SLK: variants seen among roughly 807,000 people sequenced by gnomAD.
SLK encodes the protein STE20-like serine/threonine-protein kinase.
A neutral mutation model predicts 147.7 loss-of-function variants in SLK; 67 were observed. The observed-to-expected ratio is 0.45, with a 90% CI of 0.37 to 0.56. SLK has a LOEUF of 0.56. Among genes scored for constraint, SLK ranks in the 20% least tolerant of loss-of-function variants. The pLI, the probability that SLK is intolerant of heterozygous loss-of-function variation, is 0.00. For missense variants in SLK, 1,136 were observed against 1,438.8 expected (o/e 0.79, Z 3.41); for synonymous variants, 441 against 475.0 (o/e 0.93, Z 0.93).
chr10:104,002,988 G>A lies in SLK; in HGVS notation c.1810G>A (p.Glu604Lys). The A allele has an allele frequency of 6.2e-7, 1 of 1,613,636 alleles. No individual in the cohort carries two copies. Reference sequence around the variant, plus strand: ...TGGTACTAAGGAAGTTCCTATTAAAGAAATAGTTGAAATGAATGAAATAGA... The same window carrying A: ...TGGTACTAAGGAAGTTCCTATTAAAAAAATAGTTGAAATGAATGAAATAGA... ...AGGTKEVPIK[E>K]IVEMNEIEEG... Residue 604 changes from glutamate (E) to lysine (K), a missense_variant, in exon 9 of 19, where the codon GAA becomes AAA. Coordinates refer to ENST00000369755, the MANE Select transcript of SLK (RefSeq NM_014720.4).
In SLK at chr10:104,018,207, G is replaced by A. The variant is rs199577733; in HGVS notation, c.2925G>A (p.Leu975=). The A allele has an allele frequency of 1.7e-5, 27 of 1,606,418 alleles. No homozygotes were observed. In the East Asian group the frequency reaches 6.0e-4, roughly 36 times the overall value. The stretch of plus-strand genomic sequence containing the variant: ...AACAGCAAGAATTAGATGGCTCTCT[G>A]AAAAAGATCATCCAGCAGCAGAAGG... ...QKQQQELDGS[L]KKIIQQQKAE... The change falls in exon 14 of 19, where the codon CTG becomes CTA. Residue 975 remains leucine (L), a synonymous_variant. Transcript: ENST00000369755.
intron 11 of SLK, 33 bp from the exon 12 acceptor site, chr10:104,008,144 A>C (rs762625459): frequency 4.5e-6 from 7 of 1,557,982 alleles, no homozygotes; most frequent in Non-Finnish European, 6.1e-6. Context: ...GGGTGATGGA[A>C]AAGTTATCAT....
intron 1 of SLK, among the ~76,000 whole-genome samples, chr10:103,984,230 A>AT (rs1843984143): frequency 6.6e-6 from 1 of 152,162 alleles, no homozygotes; most frequent in Non-Finnish European, 1.5e-5. Flanking sequence ...ATAATTTGAG[A>AT]TTTTTCTTAC....
At chr10:104,005,146 A>AT (rs548767615) in intron 9 of SLK, among the ~76,000 whole-genome samples, 212 of 152,226 alleles carry the variant, frequency 1.4e-3, no homozygotes, top group Non-Finnish European at 2.3e-3. Context: ...AGCCCCACAA[A>AT]TTCATTTTTA....
intron 1 of SLK, among the ~76,000 whole-genome samples, chr10:103,978,394 A>G (rs558376898): frequency 3.3e-5 from 5 of 152,256 alleles, no homozygotes; most frequent in African/African-American, 1.2e-4. Context: ...ATGTCAAGGT[A>G]CACTTCTGCT....
rs372030229 is a variant in SLK, at chr10:104,018,929, T to G, written c.3132+21T>G. 1.9e-6 allele frequency: 3 copies of G among 1,548,834 alleles called. No individual in the cohort carries two copies. In the African/African-American group the frequency reaches 4.2e-5, roughly 22 times the overall value. On this transcript the variant is annotated intron_variant, in intron 15 of 18. Transcript: ENST00000369755. ...AGAAGGTTAATGAAAGGAAAATTTC[T>G]TCATTTTTTTGTTCGTTTTAAAGTT...
At chr10:104,000,788 T>C (rs1844235438) in intron 7 of SLK, among the ~76,000 whole-genome samples, 1 of 152,142 alleles carries the variant, frequency 6.6e-6, no homozygotes, top group Non-Finnish European at 1.5e-5. Context: ...CCAGGTGTAG[T>C]GGCTCATGCC....
At chr10:104,016,275 T>C (rs12250162) in intron 13 of SLK, among the ~76,000 whole-genome samples, 20,725 of 151,360 alleles carry the variant, frequency 0.14, 2,649 homozygotes, top group African/African-American at 0.34. Flanking sequence ...GCCGAGACCG[T>C]GCCACTGCAT....
intron 1 of SLK, among the ~76,000 whole-genome samples, chr10:103,978,528 A>G (rs1307644271): frequency 6.6e-6 from 1 of 152,206 alleles, no homozygotes; most frequent in African/African-American, 2.4e-5. Flanking sequence ...AATTTTAACA[A>G]AAGAACTAAT....
intron 13 of SLK, among the ~76,000 whole-genome samples, chr10:104,014,483 C>T (rs1844437628): frequency 6.6e-6 from 1 of 152,140 alleles, no homozygotes; most frequent in Non-Finnish European, 1.5e-5. Flanking sequence ...CTCCTTTTTC[C>T]TCTCCTGAAA....
intron 9 of SLK, among the ~76,000 whole-genome samples, chr10:104,005,164 T>A (rs1359032167): frequency 6.6e-6 from 1 of 152,104 alleles, no homozygotes; most frequent in East Asian, 1.9e-4. Context: ...TTAATTGTTT[T>A]GTCAGTGAAA....
At position 104,019,815 on chromosome 10, in the gene SLK, C is replaced by T; in HGVS notation, c.3214C>T (p.Pro1072Ser). 2 of 1,613,828 alleles carry T rather than the reference C, an allele frequency of 1.2e-6. No individual in the cohort carries two copies. Among genetic ancestry groups the T allele is most frequent in the Non-Finnish European group, 1.7e-6 (2 of 1,179,750 alleles). ...NRQTQERARL[P>S]KIQRSEAKTR... is the part of the protein sequence containing the mutation. The stretch of plus-strand genomic sequence containing the variant: ...ACAGACTCAAGAAAGAGCAAGACTG[C>T]CCAAGATTCAGCGCAGTGAAGCCAA... Residue 1072 changes from proline to serine, a missense_variant, in exon 16 of 19, where the codon CCC becomes TCC. Pro to Ser is a moderately conservative substitution (Grantham distance 74). Transcript: ENST00000369755.
chr10:103,986,641 T>C, intron 1 of SLK, among the ~76,000 whole-genome samples: 1 of 151,844 alleles, frequency 6.6e-6, no homozygotes, highest in East Asian at 1.9e-4. Flanking sequence ...CCGGGTTTAG[T>C]TATTTCATTA....
chr10:103,994,553 C>T (rs1844141335), intron 4 of SLK, among the ~76,000 whole-genome samples: 1 of 152,020 alleles, frequency 6.6e-6, no homozygotes, highest in Non-Finnish European at 1.5e-5. Flanking sequence ...GCAATATCAC[C>T]CACATGGGTG....
In SLK at chr10:104,008,322, A is replaced by G. The variant is rs1398825118; in HGVS notation, c.2750A>G (p.Lys917Arg). The G allele has an allele frequency of 2.5e-6, 4 of 1,612,722 alleles. No individual in the cohort carries two copies. The highest frequency in any genetic ancestry group is 1.3e-5 in the African/African-American group (1 of 74,842). The change falls in exon 12 of 19, where the codon AAA becomes AGA. Residue 917 changes from lysine (K) to arginine (R), a missense_variant. Physicochemically the swap from Lys to Arg is conservative, Grantham distance 26. This residue lies in a region of SLK where 327 missense variants were observed against 457.5 expected (regional missense o/e 0.71). Transcript: ENST00000369755. Reference protein sequence around the residue: ...IKGEQEKELSKFQNMLKNRKK... With the variant: ...IKGEQEKELSRFQNMLKNRKK... ...GGAGAACAAGAGAAAGAGTTGTCCA[A>G]ATTTCAGAATATGCTGAAGAACCGA...
chr10:103,982,706 GTTAT>G (rs757176409), intron 1 of SLK, among the ~76,000 whole-genome samples: 20 of 152,146 alleles, frequency 1.3e-4, no homozygotes, highest in Non-Finnish European at 2.4e-4. Context: ...CACTTACTTG[GTTAT>G]TTGTGTGTAT....
chr10:104,006,176 C>A, intron 11 of SLK, 141 bp downstream of exon 11: 2 of 880,214 alleles, frequency 2.3e-6, no homozygotes, highest in Non-Finnish European at 3.4e-6. Flanking sequence ...TTATTTCTGG[C>A]ATTTTTACCC....
At chr10:103,997,023 A>G (rs981837933) in intron 4 of SLK, among the ~76,000 whole-genome samples, 11 of 151,996 alleles carry the variant, frequency 7.2e-5, no homozygotes, top group African/African-American at 1.9e-4. Context: ...ACCTATCTCC[A>G]TACCTCTTTT....
chr10:104,003,164 A>C lies in SLK; in HGVS notation c.1986A>C (p.Gln662His), dbSNP rs74154716. Residue 662 changes from glutamine (Q) to histidine (H), a missense_variant, in exon 9 of 19, where the codon CAA becomes CAC. By Grantham distance (24) the Gln-to-His change is conservative. Transcript: ENST00000369755. Reference protein sequence around the residue: ...EVRSVVADTDQKALGSEVQDA... With the variant: ...EVRSVVADTDHKALGSEVQDA... ...GAAGTGTGGTGGCTGATACTGACCA[A>C]AAGGCTTTAGGAAGTGAAGTTCAGG... 1.1e-4 allele frequency: 178 copies of C among 1,614,122 alleles called. No homozygotes were observed. The African/African-American group carries it at 2.1e-3, about 19-fold the overall frequency.
Sources: gnomAD v4.1 joint callset for allele counts (sites outside exome capture counted in the v4.1 genomes callset) on GRCh38, gnomAD v4.1.1 for gene constraint, gnomAD v4.1.1 regional missense constraint, MANE v1.5 for transcripts, NCBI Gene and HGNC (gene_info 2026-07-23, HGNC 2026-07-21) for gene names.